CTCF: variants seen among roughly 807,000 people sequenced by gnomAD.
CTCF encodes transcriptional repressor CTCF.
CTCF carries 7 observed loss-of-function variants against 72.3 expected under a neutral mutation model. The observed-to-expected ratio is 0.10, with a 90% CI of 0.06 to 0.18. The LOEUF (loss-of-function observed/expected upper bound fraction) is 0.18, where lower values mean the gene tolerates loss of function less well. CTCF is among the 10% of genes least tolerant of loss of function. The pLI is 1.00. For synonymous variants in CTCF, 374 were observed against 315.8 expected (o/e 1.18, Z -1.95); for missense variants, 516 against 949.1 (o/e 0.54, Z 6.00).
chr16:67,610,350 C>CTTTTT (rs1158978403), intron 2 of CTCF, among the ~76,000 whole-genome samples: 67 of 121,386 alleles, frequency 5.5e-4, no homozygotes, highest in East Asian at 7.0e-4. Flanking sequence ...TTTTCTTTTT[C>CTTTTT]TTTTTTTTTT....
intron 4 of CTCF, 52 bp from the exon 5 acceptor site, chr16:67,616,693 C>T: frequency 6.2e-7 from 1 of 1,606,052 alleles, no homozygotes; most frequent in Admixed American, 1.7e-5. Flanking sequence ...TGAACTCTGT[C>T]ATTAACTGTG....
At chr16:67,632,065 C>A (rs1215592093) in intron 10 of CTCF, among the ~76,000 whole-genome samples, 3 of 140,628 alleles carry the variant, frequency 2.1e-5, no homozygotes, top group Admixed American at 7.1e-5. Flanking sequence ...CAGAGCGAGA[C>A]CCTGTCTCCA....
chr16:67,576,925 A>G (rs754049941), intron 2 of CTCF, among the ~76,000 whole-genome samples: 2 of 152,180 alleles, frequency 1.3e-5, no homozygotes, highest in Non-Finnish European at 2.9e-5. Context: ...TTATCAAACA[A>G]TATGTATGGT....
rs568494986 is a variant in CTCF at position 67,626,752 on chromosome 16, G to A, written c.1518+37G>A. On this transcript the variant is annotated intron_variant, in intron 8 of 11. Coordinates refer to ENST00000264010, the MANE Select transcript of CTCF (RefSeq NM_006565.4). ...CATTGAAAGTTGTTGGTGCTTTCTCGGTGTCTGGTGTTATCAGAGGGCATT... is the reference window on the plus strand; with the variant it reads ...CATTGAAAGTTGTTGGTGCTTTCTCAGTGTCTGGTGTTATCAGAGGGCATT... 2.9e-5 allele frequency: 39 copies of A among 1,362,628 alleles called. No individual in the cohort carries two copies. In the South Asian group the frequency reaches 2.9e-4, roughly 10 times the overall value. 84.4% of individuals were successfully genotyped at this position (1,362,628 alleles called of 1,614,324 possible).
chr16:67,636,859 G>A lies in CTCF; in HGVS notation c.1999+8G>A. 1 of 1,553,326 alleles carries A rather than the reference G, an allele frequency of 6.4e-7. No homozygotes were observed. Among genetic ancestry groups the A allele is most frequent in the Non-Finnish European group, 8.7e-7 (1 of 1,145,424 alleles). ...AGCCCAAACAGAACCAGCGTAAGTTGTTCATCTCTGCTCTGGAGGCTGGCG... is the reference window on the plus strand; with the variant it reads ...AGCCCAAACAGAACCAGCGTAAGTTATTCATCTCTGCTCTGGAGGCTGGCG... On this transcript the variant is annotated splice_region_variant and intron_variant, in intron 11 of 11. Transcript: ENST00000264010.
At chr16:67,621,372 AG>A in intron 6 of CTCF, 69 bp from the exon 7 acceptor site, 1 of 1,178,814 alleles carries the variant, frequency 8.5e-7, no homozygotes, top group East Asian at 2.4e-5. Flanking sequence ...CTGCCACCTG[AG>A]TTACCCTCCA....
chr16:67,624,119 G>GTGTGTA (rs1555535515), intron 7 of CTCF, among the ~76,000 whole-genome samples: 4 of 121,802 alleles, frequency 3.3e-5, no homozygotes, highest in East Asian at 2.1e-4. Context: ...GTGTGTGTAT[G>GTGTGTA]TGTGTGTATA....
In CTCF at chr16:67,631,154, G is replaced by GTTTTTTTTTTTTTTTTTTTTTTTT. The variant is rs766362012; in HGVS notation, c.1837+1631_1837+1632insTTTTTTTTTTTTTTTTTTTTTTTT. On this transcript the variant is annotated intron_variant, in intron 10 of 11. Coordinates refer to ENST00000264010, the MANE Select transcript of CTCF (RefSeq NM_006565.4). ...ATTGGGCTTTTTTTGTTCTTTGTTT[G>GTTTTTTTTTTTTTTTTTTTTTTTT]TTTTTTTTTTGTTTTTTGTTTTTTT... is the stretch of plus-strand genomic sequence containing the variant. Among the ~76,000 whole-genome samples, 24 of 125,016 alleles carry GTTTTTTTTTTTTTTTTTTTTTTTT rather than the reference G, an allele frequency of 1.9e-4. 1 individual carries two copies. The highest frequency in any genetic ancestry group is 3.0e-4 in the African/African-American group (9 of 29,792). The allele number at this position is 125,016 out of a possible 152,430, so 82.0% of individuals were successfully genotyped here.
intron 2 of CTCF, among the ~76,000 whole-genome samples, chr16:67,608,991 T>A (rs1245405851): frequency 6.6e-6 from 1 of 152,188 alleles, no homozygotes; most frequent in African/African-American, 2.4e-5. Flanking sequence ...TCCACACACC[T>A]CAGCCTCCCA....
intron 1 of CTCF, among the ~76,000 whole-genome samples, chr16:67,566,365 G>A (rs902461631): frequency 1.3e-5 from 2 of 151,392 alleles, no homozygotes; most frequent in African/African-American, 2.4e-5. Context: ...TTAGCTGAGC[G>A]TGGTGGCATA....
rs752180413 is a variant in CTCF at position 67,636,665 on chromosome 16, CT to C, written c.1838-24del. The C allele has an allele frequency of 6.4e-6, 10 of 1,568,510 alleles. No homozygotes were observed. In the East Asian group the frequency reaches 2.3e-4, roughly 37 times the overall value. On this transcript the variant is annotated intron_variant, in intron 10 of 11. Coordinates refer to ENST00000264010, the MANE Select transcript of CTCF (RefSeq NM_006565.4). ...ACCACCCTTCTCCTTGCCCCACCACCTGTGCTTCCTGATTTCATGAAAAGAA... is the reference window on the plus strand; with the variant it reads ...ACCACCCTTCTCCTTGCCCCACCACCGTGCTTCCTGATTTCATGAAAAGAA...
At chr16:67,573,700 T>C (rs2051456625) in intron 2 of CTCF, among the ~76,000 whole-genome samples, 1 of 151,780 alleles carries the variant, frequency 6.6e-6, no homozygotes. Flanking sequence ...GCCCAGGTTT[T>C]TCCTTTGCTT....
chr16:67,609,032 C>T (rs116288601), intron 2 of CTCF, among the ~76,000 whole-genome samples: 5,038 of 152,184 alleles, frequency 0.033, 128 homozygotes, highest in South Asian at 0.059. Context: ...TGAGCCACCA[C>T]GTGCTTAATA....
chr16:67,608,718 T>C (rs2052012578), intron 2 of CTCF, among the ~76,000 whole-genome samples: 1 of 150,300 alleles, frequency 6.7e-6, no homozygotes, highest in South Asian at 2.1e-4. Context: ...CAAGGAAATT[T>C]TGGAGGTGTA....
At chr16:67,636,144 G>A (rs2052424752) in intron 10 of CTCF, among the ~76,000 whole-genome samples, 1 of 151,852 alleles carries the variant, frequency 6.6e-6, no homozygotes, top group South Asian at 2.1e-4. Context: ...GGGAGGCCGA[G>A]GCAGGTGGAT....
chr16:67,563,190 T>A (rs1303379069), intron 1 of CTCF: 3 of 152,146 alleles, frequency 2.0e-5, no homozygotes, highest in Non-Finnish European at 4.4e-5. Flanking sequence ...TCGGACCGAC[T>A]GCCGCCGCGC....
At chr16:67,630,471 T>C (rs1229979314) in intron 10 of CTCF, among the ~76,000 whole-genome samples, 2 of 152,146 alleles carry the variant, frequency 1.3e-5, no homozygotes, top group Admixed American at 6.6e-5. Context: ...GTGCCAAGCC[T>C]CGGTCGGGCA....
In CTCF at chr16:67,638,602, C is replaced by G. The variant is rs2052464386; in HGVS notation, c.*730C>G. ...ATGTAGCAGAATGGCACCCAGACCA[C>G]TGCCCACCAGTGACGGACATGCACG... On this transcript the variant is annotated 3_prime_UTR_variant, in exon 12 of 12. Coordinates refer to ENST00000264010, the MANE Select transcript of CTCF (RefSeq NM_006565.4). 4.3e-6 allele frequency: 1 copy of G among 231,790 alleles called. No individual in the cohort carries two copies. The highest frequency in any genetic ancestry group is 2.2e-5 in the African/African-American group (1 of 45,256). The allele number at this position is 231,790 out of a possible 1,614,324, so 14.4% of individuals were successfully genotyped here.
At chr16:67,606,694 A>G (rs990141164) in intron 2 of CTCF, among the ~76,000 whole-genome samples, 5 of 152,142 alleles carry the variant, frequency 3.3e-5, no homozygotes, top group East Asian at 1.9e-4. Flanking sequence ...AGAACTAACA[A>G]AAGCTTCGTT....
Sources: gnomAD v4.1 joint callset for allele counts (sites outside exome capture counted in the v4.1 genomes callset) on GRCh38, gnomAD v4.1.1 for gene constraint, MANE v1.5 for transcripts, NCBI Gene and HGNC (gene_info 2026-07-23, HGNC 2026-07-21) for gene names.